FAAH2: variants seen among roughly 807,000 people sequenced by gnomAD.
FAAH2 encodes fatty acid amide hydrolase 2, also known as fatty-acid amide hydrolase 2.
A neutral mutation model predicts 36.9 loss-of-function variants in FAAH2; 60 were observed. That is an observed-to-expected ratio of 1.63 (90% CI 1.32 to 2.02). FAAH2 has a LOEUF of 2.02. Among genes scored for constraint, FAAH2 ranks in the 30% most tolerant of loss-of-function variants. The probability of loss-of-function intolerance (pLI) is 0.00; values close to 1 mark genes in which losing one functional copy is unlikely to be tolerated. For missense variants in FAAH2, 689 were observed against 397.5 expected, an observed-to-expected ratio of 1.73 and a Z score of -6.23; for synonymous variants, 214 against 143.8, an observed-to-expected ratio of 1.49 and a Z score of -3.49.
intron 5 of FAAH2, among the ~76,000 whole-genome samples, chrX:57,367,775 G>T (rs1455573062): frequency 8.9e-6 from 1 of 111,992 alleles, no homozygotes; most frequent in Non-Finnish European, 1.9e-5. Flanking sequence ...CCCCTCTTAA[G>T]ATCATGGATG....
At chrX:57,275,335 G>T in the FAAH2 span, among the ~76,000 whole-genome samples, 2 of 112,512 alleles carry the variant, frequency 1.8e-5, no homozygotes, top group South Asian at 7.4e-4. Flanking sequence ...GATGTGGAAA[G>T]CAAGGTGGAA....
At chrX:57,307,017 A>ATATATATATATATATATATATATATG (rs1413358411) in intron 2 of FAAH2, among the ~76,000 whole-genome samples, 3 of 74,113 alleles carry the variant, frequency 4.0e-5, no homozygotes, top group African/African-American at 1.2e-4. Context: ...ATATATATAT[A>ATATATATATATATATATATATATATG]GCCTTTGTCC....
chrX:57,381,142 T>C, intron 7 of FAAH2, 113 bp downstream of exon 7: 2 of 523,074 alleles, frequency 3.8e-6, no homozygotes, highest in East Asian at 4.0e-5. Context: ...GGAATTAAGG[T>C]TTTCAGAACA....
chrX:57,318,796 G>A lies in FAAH2; in HGVS notation c.412+8067G>A, dbSNP rs190413491. Among the ~76,000 whole-genome samples, 55 of 111,943 alleles carry A rather than the reference G, an allele frequency of 4.9e-4. No homozygotes were observed. In the East Asian group the frequency reaches 0.013, roughly 27 times the overall value. On this transcript the variant is annotated intron_variant, in intron 3 of 10. Coordinates refer to ENST00000374900, the MANE Select transcript of FAAH2 (RefSeq NM_174912.4). ...AATAAATACTGGCAAACTGAATCCAGCAGTACATCAGAAAGTTCATCTACC... is the reference window on the plus strand; with the variant it reads ...AATAAATACTGGCAAACTGAATCCAACAGTACATCAGAAAGTTCATCTACC...
At chrX:57,172,546 C>A in the FAAH2 span, among the ~76,000 whole-genome samples, 2 of 112,377 alleles carry the variant, frequency 1.8e-5, no homozygotes, top group South Asian at 7.3e-4. Context: ...GACCCACTAC[C>A]TTATCACAAG....
chrX:57,367,161 A>T (rs2054438621), intron 5 of FAAH2, among the ~76,000 whole-genome samples: 1 of 112,990 alleles, frequency 8.9e-6, no homozygotes, highest in Admixed American at 9.3e-5. Context: ...TATATAAGTG[A>T]TAACGTATTC....
intron 10 of FAAH2, among the ~76,000 whole-genome samples, chrX:57,465,305 G>A (rs963723332): frequency 9.9e-5 from 11 of 111,378 alleles, no homozygotes; most frequent in East Asian, 5.6e-4. Context: ...ATTCCAGAAC[G>A]GGAGATGAGT....
the FAAH2 span, chrX:57,135,950 A>G: frequency 8.3e-7 from 1 of 1,209,903 alleles, no homozygotes; most frequent in East Asian, 3.0e-5. Context: ...CTTCTTTGGT[A>G]TATTCCACAT....
At chrX:57,330,107 A>G (rs747448816) in intron 3 of FAAH2, among the ~76,000 whole-genome samples, 4 of 111,987 alleles carry the variant, frequency 3.6e-5, no homozygotes, top group Non-Finnish European at 3.8e-5. Context: ...AAAGAACAAG[A>G]TAACAGCAAC....
At chrX:57,221,783 G>T in the FAAH2 span, among the ~76,000 whole-genome samples, 2 of 108,352 alleles carry the variant, frequency 1.8e-5, no homozygotes, top group Non-Finnish European at 1.9e-5. Context: ...TTTCCTTTAT[G>T]TGGAATACCC....
the FAAH2 span, among the ~76,000 whole-genome samples, chrX:57,202,792 A>C: frequency 3.6e-5 from 4 of 111,741 alleles, no homozygotes; most frequent in African/African-American, 1.3e-4. Context: ...AAATCTAAAA[A>C]TTCTGGAAGT....
the FAAH2 span, among the ~76,000 whole-genome samples, chrX:57,264,898 G>A: frequency 1.8e-5 from 2 of 111,973 alleles, no homozygotes; most frequent in African/African-American, 6.5e-5. Context: ...AAAGGGGCAG[G>A]TAAATACAGC....
In FAAH2 at chrX:57,300,693, T is replaced by G. The variant is rs765745875; in HGVS notation, c.275+8113T>G. Reference sequence around the variant, plus strand: ...AGGCAACCTACAAAATGGGAGAAAATTTTTTGCAACCTACTCATCTGACAA... The same window carrying G: ...AGGCAACCTACAAAATGGGAGAAAAGTTTTTGCAACCTACTCATCTGACAA... On this transcript the variant is annotated intron_variant, in intron 2 of 10. Transcript: ENST00000374900. 3.6e-5 allele frequency among the ~76,000 whole-genome samples: 4 copies of G among 110,289 alleles called. No individual in the cohort carries two copies. The South Asian group carries it at 1.5e-3, about 42-fold the overall frequency.
intron 7 of FAAH2, among the ~76,000 whole-genome samples, chrX:57,420,687 CT>C (rs1471230589): frequency 9.2e-6 from 1 of 108,377 alleles, no homozygotes; most frequent in Non-Finnish European, 1.9e-5. Context: ...TTGACTTCCT[CT>C]TTTCCTAATT....
At chrX:57,156,174 A>G in the FAAH2 span, among the ~76,000 whole-genome samples, 1 of 111,819 alleles carries the variant, frequency 8.9e-6, no homozygotes, top group African/African-American at 3.2e-5. Context: ...ACACACATGC[A>G]TTTTTCATTC....
At chrX:57,259,216 G>T in the FAAH2 span, among the ~76,000 whole-genome samples, 2 of 111,597 alleles carry the variant, frequency 1.8e-5, no homozygotes, top group Non-Finnish European at 3.8e-5. Flanking sequence ...AATTAAAATA[G>T]AAATACCATA....
chrX:57,318,443 T>A, intron 3 of FAAH2, among the ~76,000 whole-genome samples: 1 of 111,376 alleles, frequency 9.0e-6, no homozygotes. Context: ...CCTGGACAGA[T>A]AAATCCTCCC....
At chrX:57,426,618 C>T (rs539367480) in intron 7 of FAAH2, among the ~76,000 whole-genome samples, 54 of 111,607 alleles carry the variant, frequency 4.8e-4, no homozygotes, top group East Asian at 2.8e-4. Context: ...TGTAAAAATA[C>T]ATGGAAATTA....
intron 3 of FAAH2, among the ~76,000 whole-genome samples, chrX:57,321,291 A>G (rs2053016993): frequency 9.1e-6 from 1 of 109,939 alleles, no homozygotes; most frequent in African/African-American, 3.3e-5. Context: ...ACATGGACAC[A>G]GGGAGGGGAC....
Sources: gnomAD v4.1 joint callset for allele counts (sites outside exome capture counted in the v4.1 genomes callset) on GRCh38, gnomAD v4.1.1 for gene constraint, MANE v1.5 for transcripts, NCBI Gene and HGNC (gene_info 2026-07-23, HGNC 2026-07-21) for gene names.